The following PCDH11Y variants were observed in gnomAD, a reference collection of about 807,000 sequenced individuals.
PCDH11Y encodes protocadherin-11 Y-linked.
For synonymous variants in PCDH11Y, 9 were observed against 83.6 expected, an observed-to-expected ratio of 0.11 and a Z score of 4.87; for missense variants, 12 against 224.8, an observed-to-expected ratio of 0.05 and a Z score of 6.05.
intron 3 of PCDH11Y, among the ~76,000 whole-genome samples, chrY:5,520,449 C>T: frequency 3.4e-5 from 1 of 29,793 alleles, no homozygotes; most frequent in Non-Finnish European, 7.9e-5. Flanking sequence ...TATTTATTGG[C>T]ATATGTAAGT....
intron 3 of PCDH11Y, among the ~76,000 whole-genome samples, chrY:5,502,045 G>C (rs2124688199): frequency 3.2e-5 from 1 of 31,262 alleles, no homozygotes; most frequent in East Asian, 8.3e-4. Context: ...ATACAAAAAA[G>C]CATACAATAT....
intron 2 of PCDH11Y, among the ~76,000 whole-genome samples, chrY:5,359,814 G>A (rs2053172785): frequency 3.0e-5 from 1 of 32,916 alleles, no homozygotes; most frequent in Non-Finnish European, 7.4e-5. Flanking sequence ...CGTCTTCTCT[G>A]AGTTCAGAGT....
chrY:5,105,661 A>G, downstream of PCDH11Y, among the ~76,000 whole-genome samples: 1 of 32,380 alleles, frequency 3.1e-5, no homozygotes, highest in Non-Finnish European at 7.6e-5. Context: ...GAAAGAAAGA[A>G]AGAAAAAAAG....
chrY:5,088,038 CT>C (rs2052734370), intron 1 of PCDH11Y, among the ~76,000 whole-genome samples: 224 of 27,975 alleles, frequency 8.0e-3, no homozygotes, highest in African/African-American at 0.025. Context: ...GGTGATTCAA[CT>C]TTTTTTTTTT....
chrY:5,676,212 G>C (rs1602958829), intron 4 of PCDH11Y, among the ~76,000 whole-genome samples: 262 of 32,549 alleles, frequency 8.0e-3, no homozygotes, highest in African/African-American at 0.03. Context: ...TTCCTTAGCT[G>C]TATGTTGACC....
At chrY:5,382,177 G>A in intron 2 of PCDH11Y, among the ~76,000 whole-genome samples, 2 of 33,497 alleles carry the variant, frequency 6.0e-5, no homozygotes, top group African/African-American at 1.2e-4. Flanking sequence ...TTTTATGAAC[G>A]TCTGAATTAA....
At chrY:5,036,063 A>G in intron 3 of PCDH11Y, among the ~76,000 whole-genome samples, 1 of 18,382 alleles carries the variant, frequency 5.4e-5, no homozygotes, top group Non-Finnish European at 1.2e-4. Flanking sequence ...ATTGTGATGT[A>G]AGATCTTTTA....
chrY:5,436,599 C>G (rs2053275461), intron 2 of PCDH11Y, among the ~76,000 whole-genome samples: 2 of 33,092 alleles, frequency 6.0e-5, no homozygotes, highest in Non-Finnish European at 1.5e-4. Context: ...AAGAAGTGGG[C>G]TTAATCATGG....
intron 3 of PCDH11Y, chrY:5,573,322 C>T: frequency 3.5e-6 from 1 of 284,203 alleles, no homozygotes; most frequent in South Asian, 3.7e-5. Flanking sequence ...GGCATGGGGC[C>T]TGGGGGCCTG....
At position 5,345,720 on chromosome Y, in the gene PCDH11Y, G is replaced by C; in HGVS notation, c.3130-155337G>C. Among the ~76,000 whole-genome samples, 3 of 29,237 alleles carry C rather than the reference G, an allele frequency of 1.0e-4. No individual in the cohort carries two copies. The East Asian group carries it at 2.6e-3, about 26-fold the overall frequency. 78.4% of individuals were successfully genotyped at this position (29,237 alleles called of 37,273 possible). A position where few individuals can be genotyped will look rare whatever the true frequency, so the allele number is the denominator to read the frequency against. On this transcript the variant is annotated intron_variant, in intron 2 of 4. Coordinates refer to the PCDH11Y transcript ENST00000400457. ...GCTCTGTCACCCAGGCTGGAGTGCA[G>C]TGGTGTGATCTTGGTTCACTGCAAC... is the stretch of plus-strand genomic sequence containing the variant.
chrY:5,211,943 C>T (rs2124651082), intron 2 of PCDH11Y, among the ~76,000 whole-genome samples: 6 of 33,724 alleles, frequency 1.8e-4, no homozygotes, highest in South Asian at 6.7e-4. Context: ...TTGACCCAGA[C>T]ATATTTCTTC....
At chrY:5,003,487 T>C in intron 1 of PCDH11Y, among the ~76,000 whole-genome samples, 1 of 33,225 alleles carries the variant, frequency 3.0e-5, no homozygotes, top group Non-Finnish European at 7.4e-5. Context: ...AGGGTCATCT[T>C]TCCCACAAAA....
chrY:5,382,767 A>G, intron 2 of PCDH11Y, among the ~76,000 whole-genome samples: 1 of 33,736 alleles, frequency 3.0e-5, no homozygotes, highest in Non-Finnish European at 7.3e-5. Context: ...TATAATATCA[A>G]TAAACAAATA....
chrY:5,265,116 A>G, intron 2 of PCDH11Y, among the ~76,000 whole-genome samples: 1 of 33,362 alleles, frequency 3.0e-5, no homozygotes, highest in African/African-American at 1.2e-4. Context: ...ACTGCCAGCG[A>G]TATGGGAGGG....
intron 4 of PCDH11Y, among the ~76,000 whole-genome samples, chrY:5,692,898 T>C (rs2124710977): frequency 3.1e-5 from 1 of 31,963 alleles, no homozygotes; most frequent in Admixed American, 2.9e-4. Context: ...AAAAATAAGG[T>C]AAAGTTTTGT....
chrY:5,297,742 A>G (rs2124662753), intron 2 of PCDH11Y, among the ~76,000 whole-genome samples: 1 of 33,261 alleles, frequency 3.0e-5, no homozygotes, highest in East Asian at 8.2e-4. Context: ...GGCCACAACC[A>G]GGGGCTGGGG....
chrY:5,521,178 G>C (rs2053380406), intron 3 of PCDH11Y, among the ~76,000 whole-genome samples: 1 of 32,103 alleles, frequency 3.1e-5, no homozygotes, highest in Non-Finnish European at 7.6e-5. Flanking sequence ...GTTTGTTTCT[G>C]TTTTTTGTTT....
At chrY:5,407,772 T>C (rs1602920841) in intron 2 of PCDH11Y, among the ~76,000 whole-genome samples, 4 of 30,948 alleles carry the variant, frequency 1.3e-4, no homozygotes, top group East Asian at 1.7e-3. Flanking sequence ...AAAAATTAGC[T>C]GGCGTGGTGG....
At chrY:5,307,585 T>G in intron 2 of PCDH11Y, among the ~76,000 whole-genome samples, 1 of 33,159 alleles carries the variant, frequency 3.0e-5, no homozygotes, top group Non-Finnish European at 7.4e-5. Flanking sequence ...CCTGCCATGT[T>G]TATTCTGTCA....
Sources: gnomAD v4.1 joint callset for allele counts (sites outside exome capture counted in the v4.1 genomes callset) on GRCh38, gnomAD v4.1.1 for gene constraint, MANE v1.5 for transcripts, NCBI Gene and HGNC (gene_info 2026-07-23, HGNC 2026-07-21) for gene names.